DOCK2: variants seen among roughly 807,000 people sequenced by gnomAD.
DOCK2 encodes the protein dedicator of cytokinesis protein 2.
In DOCK2, 87 loss-of-function variants were observed where a neutral mutation model predicts 248.9. That is an observed-to-expected ratio of 0.35 (90% CI 0.29 to 0.42). The LOEUF is 0.42. DOCK2 is among the 10% of genes least tolerant of loss of function. DOCK2 has a pLI of 1.00. For synonymous variants in DOCK2, 805 were observed against 821.6 expected (o/e 0.98, Z 0.35); for missense variants, 1,747 against 2,300.2 (o/e 0.76, Z 4.92).
At chr5:169,725,986 T>C (rs1378856381) in intron 22 of DOCK2, among the ~76,000 whole-genome samples, 1 of 152,228 alleles carries the variant, frequency 6.6e-6, no homozygotes, top group African/African-American at 2.4e-5. Flanking sequence ...TGTGTCTTTA[T>C]AGCAGCATGA....
intron 8 of DOCK2, among the ~76,000 whole-genome samples, chr5:169,688,753 G>A (rs1445289756): frequency 6.6e-6 from 1 of 152,148 alleles, no homozygotes; most frequent in Non-Finnish European, 1.5e-5. Context: ...TAATGGCTGA[G>A]ACCCTATATG....
intron 26 of DOCK2, among the ~76,000 whole-genome samples, chr5:169,839,972 A>G (rs1454160515): frequency 6.6e-6 from 1 of 152,190 alleles, no homozygotes; most frequent in Non-Finnish European, 1.5e-5. Context: ...TGACTATTAG[A>G]TGAAGAAACC....
chr5:169,752,045 A>T (rs1275375353), intron 23 of DOCK2, among the ~76,000 whole-genome samples: 1 of 152,226 alleles, frequency 6.6e-6, no homozygotes, highest in Non-Finnish European at 1.5e-5. Flanking sequence ...TGTGTTTTCA[A>T]CAATGGACCA....
chr5:170,075,557 CTT>C, intron 46 of DOCK2: 1 of 167,876 alleles, frequency 6.0e-6, no homozygotes, highest in Non-Finnish European at 1.3e-5. Flanking sequence ...CATCCTTTCA[CTT>C]TAGTATTGCC....
In DOCK2 at chr5:169,654,472, A is replaced by C. The variant is rs1164633970; in HGVS notation, c.113A>C (p.Gln38Pro). The change falls in exon 2 of 52, where the codon CAG (glutamine) becomes CCG (proline). Residue 38 changes from glutamine to proline, a missense_variant. Coordinates refer to ENST00000520908, the MANE Select transcript of DOCK2 (RefSeq NM_004946.3). ...CAGATCGGCGATGTGGTGCGAATAC[A>C]GGAGACGTGTGGAGGTGAGTCACTG... ...SLQIGDVVRI[Q>P]ETCGDWYRGY... 1 of 1,614,196 alleles carries C rather than the reference A, an allele frequency of 6.2e-7. No homozygotes were observed.
chr5:169,747,314 TA>T (rs1763666094), intron 22 of DOCK2, 81 bp from the exon 23 acceptor site: 1 of 1,295,946 alleles, frequency 7.7e-7, no homozygotes, highest in African/African-American at 1.5e-5. Flanking sequence ...TTTTAAATTT[TA>T]AATGAAGTTT....
chr5:170,041,949 A>G lies in DOCK2; in HGVS notation c.3757-64A>G, dbSNP rs77823378. On this transcript the variant is annotated intron_variant, in intron 37 of 51. Transcript: ENST00000520908. ...CAGGGTGGTTCCTGCCTTTAATCCTAGGAAGACACCTGCTCTTGGCAGCCT... is the reference window on the plus strand; with the variant it reads ...CAGGGTGGTTCCTGCCTTTAATCCTGGGAAGACACCTGCTCTTGGCAGCCT... 390 of 1,579,850 alleles carry G rather than the reference A, an allele frequency of 2.5e-4. No homozygotes were observed. The African/African-American group carries it at 4.7e-3, about 19-fold the overall frequency.
chr5:169,881,812 T>C (rs1387798182), intron 27 of DOCK2, among the ~76,000 whole-genome samples: 2 of 152,328 alleles, frequency 1.3e-5, no homozygotes, highest in Non-Finnish European at 2.9e-5. Context: ...TTCTGATTCA[T>C]ACAGCAAACA....
At chr5:169,681,334 G>A (rs1415337092) in intron 6 of DOCK2, among the ~76,000 whole-genome samples, 3 of 151,530 alleles carry the variant, frequency 2.0e-5, no homozygotes, top group African/African-American at 7.3e-5. Context: ...ATCTTGGCCA[G>A]GCTAGTCTTG....
chr5:169,727,551 A>T (rs75003416), intron 22 of DOCK2, among the ~76,000 whole-genome samples: 12,845 of 152,214 alleles, frequency 0.084, 633 homozygotes, highest in Non-Finnish European at 0.11. Flanking sequence ...CAGCAGCTTG[A>T]CGTCATCCTG....
At chr5:169,944,500 C>T (rs1435638971) in intron 27 of DOCK2, among the ~76,000 whole-genome samples, 1 of 152,204 alleles carries the variant, frequency 6.6e-6, no homozygotes, top group Non-Finnish European at 1.5e-5. Context: ...GGAGAGCAGC[C>T]AGGCCTGTGC....
intron 30 of DOCK2, among the ~76,000 whole-genome samples, chr5:170,001,052 T>G (rs1160390911): frequency 6.6e-6 from 1 of 152,066 alleles, no homozygotes; most frequent in Non-Finnish European, 1.5e-5. Flanking sequence ...GGCACATGCT[T>G]GGGTGCAGTT....
intron 34 of DOCK2, among the ~76,000 whole-genome samples, chr5:170,033,108 C>A (rs191140094): frequency 1.3e-5 from 2 of 152,250 alleles, no homozygotes; most frequent in Admixed American, 1.3e-4. Flanking sequence ...ATCAGAATTA[C>A]TGTGAGGATT....
In DOCK2 at chr5:169,781,064, G is replaced by A. The variant is rs576042776; in HGVS notation, c.2554+19439G>A. On this transcript the variant is annotated intron_variant, in intron 25 of 51. Coordinates refer to ENST00000520908, the MANE Select transcript of DOCK2 (RefSeq NM_004946.3). The stretch of plus-strand genomic sequence containing the variant: ...ATGCTGGCATCTCAGGGTGCCGGGC[G>A]GAAACCAGCCTTGGACAGGATGCCA... Among the ~76,000 whole-genome samples the A allele has an allele frequency of 6.2e-4, 94 of 152,268 alleles. 1 individual carries two copies. Among genetic ancestry groups the A allele is most frequent in the Non-Finnish European group, 4.6e-4 (31 of 68,030 alleles).
rs113483404 is a variant in DOCK2, at chr5:169,855,072, C to T, written c.2799+14220C>T. Among the ~76,000 whole-genome samples the T allele has an allele frequency of 3.3e-4, 50 of 152,330 alleles. 1 individual carries two copies. Among genetic ancestry groups the T allele is most frequent in the African/African-American group, 1.2e-3 (48 of 41,564 alleles). On this transcript the variant is annotated intron_variant, in intron 27 of 51. Coordinates refer to ENST00000520908, the MANE Select transcript of DOCK2 (RefSeq NM_004946.3). ...CTCAAAGAACTCCAGCCTTCACCAC[C>T]TCCTACCTGTGTACTCTGACAGATT...
chr5:169,713,164 C>T (rs756746380), intron 17 of DOCK2, among the ~76,000 whole-genome samples: 6 of 152,230 alleles, frequency 3.9e-5, no homozygotes, highest in Admixed American at 1.3e-4. Flanking sequence ...TCATTTATCA[C>T]ACATAGAATT....
At chr5:169,739,176 G>C (rs1471369629) in intron 22 of DOCK2, among the ~76,000 whole-genome samples, 1 of 152,196 alleles carries the variant, frequency 6.6e-6, no homozygotes, top group Non-Finnish European at 1.5e-5. Context: ...AAAGGATGAA[G>C]TTCAATGCTC....
At chr5:170,020,153 A>C in intron 33 of DOCK2, among the ~76,000 whole-genome samples, 1 of 150,306 alleles carries the variant, frequency 6.7e-6, no homozygotes, top group South Asian at 2.1e-4. Context: ...ATCCTCTCCA[A>C]CTCTCCCCGC....
intron 46 of DOCK2, among the ~76,000 whole-genome samples, chr5:170,075,120 T>C (rs994151978): frequency 9.2e-5 from 14 of 152,324 alleles, no homozygotes; most frequent in Admixed American, 6.5e-4. Flanking sequence ...TATCTTTATG[T>C]CACCATCATG....
Sources: gnomAD v4.1 joint callset for allele counts (sites outside exome capture counted in the v4.1 genomes callset) on GRCh38, gnomAD v4.1.1 for gene constraint, MANE v1.5 for transcripts, NCBI Gene and HGNC (gene_info 2026-07-23, HGNC 2026-07-21) for gene names.